The following NTM variants were observed in gnomAD, a reference collection of about 807,000 sequenced individuals.
NTM encodes IgLON family member 2.
NTM carries 13 observed loss-of-function variants against 42.1 expected under a neutral mutation model. The observed-to-expected ratio is 0.31, with a 90% confidence interval of 0.20 to 0.49. NTM has a LOEUF of 0.49. NTM is among the 20% of genes least tolerant of loss of function. The probability of loss-of-function intolerance (pLI) is 0.99; values close to 1 mark genes in which losing one functional copy is unlikely to be tolerated. For missense variants in NTM, 373 were observed against 452.8 expected (o/e 0.82, Z 1.60); for synonymous variants, 187 against 179.2 (o/e 1.04, Z -0.35).
chr11:131,392,255 C>T lies in NTM; in HGVS notation c.82+21367C>T, dbSNP rs190934050. ...GGAGTCCTGTGTGCAACCACAGAGC[C>T]CCTGAAGGGATGGGAGTCCTGTGTG... On this transcript the variant is annotated intron_variant, in intron 1 of 8. Transcript: ENST00000683400. Among the ~76,000 whole-genome samples the T allele has an allele frequency of 3.8e-3, 571 of 151,492 alleles. 9 individuals carry two copies. Among genetic ancestry groups the T allele is most frequent in the Middle Eastern group, 0.01 (3 of 290 alleles).
At chr11:131,696,084 C>T (rs139275271) in intron 1 of NTM, among the ~76,000 whole-genome samples, 1 of 152,300 alleles carries the variant, frequency 6.6e-6, no homozygotes, top group Admixed American at 6.5e-5. Flanking sequence ...CATGAAAGAA[C>T]CCACAGCCAA....
In NTM at chr11:131,789,636, A is replaced by AAGAAGAAG. The variant is rs1555127950; in HGVS notation, c.83-121927_83-121926insGAAGAAGA. ...AAGAAGAAGAAGAAGAAGAAGAAGAAAAGAAGAAGAAGAAGAAGAAGAAGA... is the reference window on the plus strand; with the variant it reads ...AAGAAGAAGAAGAAGAAGAAGAAGAAAGAAGAAGAAGAAGAAGAAGAAGAAGAAGAAGA... On this transcript the variant is annotated intron_variant, in intron 1 of 8. Coordinates refer to ENST00000683400, the MANE Select transcript of NTM (RefSeq NM_001352005.2). Among the ~76,000 whole-genome samples the AAGAAGAAG allele has an allele frequency of 6.0e-3, 185 of 30,894 alleles. 52 individuals are homozygous for AAGAAGAAG. The highest frequency in any genetic ancestry group is 0.02 in the African/African-American group (169 of 8,280). 20.3% of individuals were successfully genotyped at this position (30,894 alleles called of 152,430 possible). A position where few individuals can be genotyped will look rare whatever the true frequency, so the allele number is the denominator to read the frequency against.
chr11:131,911,639 C>T lies in NTM; in HGVS notation c.158C>T (p.Ala53Val), dbSNP rs747703253. 5.0e-6 allele frequency: 8 copies of T among 1,614,108 alleles called. No homozygotes were observed. Among genetic ancestry groups the T allele is most frequent in the Non-Finnish European group, 6.8e-6 (8 of 1,179,974 alleles). ...GTGACGGTCCGGCAGGGGGAGAGCG[C>T]CACCCTCAGGTAGGGAGCTGACATT... ...DNVTVRQGES[A>V]TLRCTIDNRV... Residue 53 changes from alanine (A) to valine (V), a missense_variant, in exon 2 of 9, where the codon GCC (alanine) becomes GTC (valine). Physicochemically the swap from Ala to Val is moderately conservative, Grantham distance 64. Transcript: ENST00000683400.
intron 1 of NTM, among the ~76,000 whole-genome samples, chr11:131,789,494 AAAG>A (rs1194071036): frequency 0.011 from 41 of 3,862 alleles, 17 homozygotes; most frequent in Non-Finnish European, 0.015. Flanking sequence ...GAAGAAGAGG[AAAG>A]AAGAAGAAGA....
intron 2 of NTM, among the ~76,000 whole-genome samples, chr11:132,088,437 C>T (rs1452552850): frequency 6.6e-6 from 1 of 152,114 alleles, no homozygotes; most frequent in Admixed American, 6.5e-5. Flanking sequence ...ATCTCACAAC[C>T]AGGAAAAATT....
intron 2 of NTM, among the ~76,000 whole-genome samples, chr11:131,998,250 T>C (rs1287959861): frequency 1.3e-5 from 2 of 152,178 alleles, no homozygotes; most frequent in African/African-American, 4.8e-5. Context: ...GCTGCTTTTA[T>C]GGGGACTCGT....
At chr11:131,796,012 G>A (rs1435561949) in intron 1 of NTM, 7 of 985,392 alleles carry the variant, frequency 7.1e-6, no homozygotes, top group East Asian at 2.3e-4. Context: ...GTGTGCAGGG[G>A]CAATCAGCTG....
At chr11:131,441,000 A>G (rs548625765) in intron 1 of NTM, among the ~76,000 whole-genome samples, 1 of 152,100 alleles carries the variant, frequency 6.6e-6, no homozygotes, top group South Asian at 2.1e-4. Context: ...CAATTTTGCC[A>G]ACGTGTTTCA....
At chr11:131,620,108 G>A (rs2062373584) in intron 1 of NTM, among the ~76,000 whole-genome samples, 1 of 152,112 alleles carries the variant, frequency 6.6e-6, no homozygotes, top group Admixed American at 6.5e-5. Context: ...TGGCACCACT[G>A]AACATCTCAT....
At chr11:131,761,809 CAATAAATA>C (rs200691057) in intron 1 of NTM, among the ~76,000 whole-genome samples, 59,833 of 138,944 alleles carry the variant, frequency 0.43, 13,134 homozygotes, top group Admixed American at 0.46. Context: ...AACTCTGTCT[CAATAAATA>C]AATAAATAAA....
Position 132,131,283 on chromosome 11 carries a change from T to A in NTM, c.168-14999T>A, listed in dbSNP as rs7930723. Among the ~76,000 whole-genome samples, 1,033 of 152,238 alleles carry A rather than the reference T, an allele frequency of 6.8e-3. 11 individuals carry two copies. The highest frequency in any genetic ancestry group is 0.024 in the African/African-American group (979 of 41,546). On this transcript the variant is annotated intron_variant, in intron 2 of 8. Coordinates refer to ENST00000683400, the MANE Select transcript of NTM (RefSeq NM_001352005.2). ...TGGGGCTGAGTGTGGGGCCAGCTAT[T>A]GTCTCAGAGACACCTGGTTTAGGAC...
At chr11:131,735,331 G>A (rs2080275028) in intron 1 of NTM, among the ~76,000 whole-genome samples, 1 of 152,166 alleles carries the variant, frequency 6.6e-6, no homozygotes, top group Non-Finnish European at 1.5e-5. Flanking sequence ...TATAGGTTTT[G>A]ACCCTCAGTG....
chr11:131,806,848 T>G (rs1277739499), intron 1 of NTM, among the ~76,000 whole-genome samples: 1 of 152,220 alleles, frequency 6.6e-6, no homozygotes, highest in Admixed American at 6.5e-5. Context: ...CAAGATGAGC[T>G]ATACAGTCTC....
intron 4 of NTM, among the ~76,000 whole-genome samples, chr11:132,247,361 GC>G (rs1448825317): frequency 6.6e-6 from 1 of 152,174 alleles, no homozygotes; most frequent in African/African-American, 2.4e-5. Context: ...CACAAAACCG[GC>G]TTAGGCCTCT....
At chr11:131,571,572 A>G (rs1205514175) in intron 1 of NTM, among the ~76,000 whole-genome samples, 1 of 152,240 alleles carries the variant, frequency 6.6e-6, no homozygotes, top group Non-Finnish European at 1.5e-5. Context: ...ACATTTTAAA[A>G]TAACTGTGCC....
At chr11:132,233,819 A>G (rs189741241) in intron 4 of NTM, among the ~76,000 whole-genome samples, 1 of 152,276 alleles carries the variant, frequency 6.6e-6, no homozygotes, top group African/African-American at 2.4e-5. Flanking sequence ...ATTTTTCTCC[A>G]TACTCCCTTT....
intron 1 of NTM, chr11:131,385,300 G>A (rs988292073): frequency 6.6e-6 from 1 of 152,176 alleles, no homozygotes; most frequent in African/African-American, 2.4e-5. Flanking sequence ...GGATGGAAGA[G>A]GCCCTCTAGT....
At chr11:131,719,089 T>C (rs1047347647) in intron 1 of NTM, among the ~76,000 whole-genome samples, 1 of 152,096 alleles carries the variant, frequency 6.6e-6, no homozygotes, top group Non-Finnish European at 1.5e-5. Flanking sequence ...TTTGTATTTT[T>C]AGTAGAGATG....
At chr11:132,032,542 G>A (rs1448167114) in intron 2 of NTM, among the ~76,000 whole-genome samples, 1 of 152,058 alleles carries the variant, frequency 6.6e-6, no homozygotes, top group Non-Finnish European at 1.5e-5. Flanking sequence ...ACATCCTCTG[G>A]TGATTGGGGA....
Sources: allele counts gnomAD v4.1 joint callset (sites outside exome capture counted in the v4.1 genomes callset), GRCh38; gene constraint gnomAD v4.1.1; transcripts MANE v1.5; gene names NCBI Gene and HGNC (gene_info 2026-07-23, HGNC 2026-07-21).